The following SCHIP1 variants were observed in gnomAD, a reference collection of about 807,000 sequenced individuals.
SCHIP1 encodes schwannomin-interacting protein 1.
Under a neutral mutation model 29.7 loss-of-function variants are expected in SCHIP1, and 8 were observed. The ratio of observed to expected loss-of-function variants is 0.27; its 90% confidence interval spans 0.16 to 0.49. The LOEUF is 0.49. SCHIP1 is among the 20% of genes least tolerant of loss of function. The pLI is 0.99. For missense variants in SCHIP1, 193 were observed against 294.6 expected (o/e 0.66, Z 2.52); for synonymous variants, 76 against 94.9 (o/e 0.80, Z 1.16).
the SCHIP1 span, among the ~76,000 whole-genome samples, chr3:159,368,699 C>A: frequency 7.9e-5 from 12 of 150,964 alleles, no homozygotes; most frequent in Non-Finnish European, 1.6e-4. Flanking sequence ...ACATGTCTAA[C>A]AATCCCTACG....
At chr3:159,414,169 T>C in the SCHIP1 span, among the ~76,000 whole-genome samples, 4 of 152,350 alleles carry the variant, frequency 2.6e-5, no homozygotes, top group East Asian at 7.7e-4. Context: ...ATAAGAGTAC[T>C]GCTCCTTTCC....
chr3:159,842,366 C>A (rs1744296869), intron 1 of SCHIP1, among the ~76,000 whole-genome samples: 1 of 152,098 alleles, frequency 6.6e-6, no homozygotes, highest in Admixed American at 6.5e-5. Context: ...AGATGTACAT[C>A]ATTGTTGTCG....
At chr3:159,423,612 T>G in the SCHIP1 span, among the ~76,000 whole-genome samples, 7 of 150,402 alleles carry the variant, frequency 4.7e-5, no homozygotes, top group Admixed American at 6.7e-5. Flanking sequence ...CCTCTGTAGG[T>G]TCCACCTCTG....
At chr3:159,892,364 A>T in intron 6 of SCHIP1, 174 bp downstream of exon 7, 1 of 686,712 alleles carries the variant, frequency 1.5e-6, no homozygotes, top group Non-Finnish European at 2.4e-6. Flanking sequence ...CATTGTCCTT[A>T]CCAAATGCAT....
At chr3:159,841,880 A>C (rs1195274648) in intron 1 of SCHIP1, among the ~76,000 whole-genome samples, 1 of 152,214 alleles carries the variant, frequency 6.6e-6, no homozygotes, top group East Asian at 1.9e-4. Context: ...TTGCATCTGC[A>C]TGGGATTTTA....
At chr3:159,576,618 T>A in the SCHIP1 span, among the ~76,000 whole-genome samples, 1 of 152,214 alleles carries the variant, frequency 6.6e-6, no homozygotes, top group Non-Finnish European at 1.5e-5. Flanking sequence ...CATTAGCGAC[T>A]TTGTTACCAC....
the SCHIP1 span, among the ~76,000 whole-genome samples, chr3:159,520,189 T>C: frequency 6.9e-6 from 1 of 144,380 alleles, no homozygotes; most frequent in African/African-American, 2.6e-5. Flanking sequence ...AAGACGGAGG[T>C]AGGCACAGAA....
chr3:159,483,001 T>C, the SCHIP1 span, among the ~76,000 whole-genome samples: 1 of 152,256 alleles, frequency 6.6e-6, no homozygotes, highest in East Asian at 1.9e-4. Context: ...TTTGTAACTT[T>C]CCATAAAATT....
the SCHIP1 span, among the ~76,000 whole-genome samples, chr3:159,648,685 G>T: frequency 6.6e-6 from 1 of 152,128 alleles, no homozygotes; most frequent in African/African-American, 2.4e-5. Flanking sequence ...GACCCCAGTG[G>T]ACAACTTTAC....
the SCHIP1 span, among the ~76,000 whole-genome samples, chr3:159,317,725 T>G: frequency 6.6e-6 from 1 of 152,236 alleles, no homozygotes; most frequent in Non-Finnish European, 1.5e-5. Flanking sequence ...CTTCTTTAGC[T>G]GTAGAGTGAG....
At chr3:159,567,566 G>T in the SCHIP1 span, among the ~76,000 whole-genome samples, 1 of 151,902 alleles carries the variant, frequency 6.6e-6, no homozygotes, top group South Asian at 2.1e-4. Flanking sequence ...AAAACACAGC[G>T]CTATAATTTG....
chr3:159,864,832 C>G (rs1714450824), intron 1 of SCHIP1, among the ~76,000 whole-genome samples: 1 of 152,172 alleles, frequency 6.6e-6, no homozygotes, highest in Admixed American at 6.5e-5. Flanking sequence ...ACAGTATCCA[C>G]TAGCCACCTG....
At chr3:159,618,182 C>T in the SCHIP1 span, among the ~76,000 whole-genome samples, 1 of 152,146 alleles carries the variant, frequency 6.6e-6, no homozygotes, top group African/African-American at 2.4e-5. Flanking sequence ...AGTGACTTGA[C>T]CAACAGAGGT....
the SCHIP1 span, chr3:159,275,213 A>C: frequency 2.5e-6 from 1 of 404,622 alleles, no homozygotes; most frequent in Non-Finnish European, 3.3e-6. Flanking sequence ...AAAGAATGAA[A>C]GGTAGATTTA....
the SCHIP1 span, among the ~76,000 whole-genome samples, chr3:159,788,829 A>G: frequency 6.6e-6 from 1 of 152,214 alleles, no homozygotes; most frequent in African/African-American, 2.4e-5. Context: ...CCAATAGGGT[A>G]TAATATATAT....
the SCHIP1 span, among the ~76,000 whole-genome samples, chr3:159,313,959 G>C: frequency 6.6e-6 from 1 of 152,190 alleles, no homozygotes; most frequent in African/African-American, 2.4e-5. Context: ...CAGAGGTAAA[G>C]TGCGTGCTTT....
At chr3:159,445,179 A>G in the SCHIP1 span, among the ~76,000 whole-genome samples, 3 of 152,206 alleles carry the variant, frequency 2.0e-5, no homozygotes, top group African/African-American at 4.8e-5. Context: ...CAAATTTACA[A>G]GAAAAAAACA....
At chr3:159,279,466 A>G in the SCHIP1 span, among the ~76,000 whole-genome samples, 1 of 152,184 alleles carries the variant, frequency 6.6e-6, no homozygotes, top group Non-Finnish European at 1.5e-5. Flanking sequence ...ACCTAACTGC[A>G]AGGGAGGCTG....
chr3:159,520,068 C>G, the SCHIP1 span, among the ~76,000 whole-genome samples: 2 of 146,356 alleles, frequency 1.4e-5, no homozygotes, highest in Non-Finnish European at 3.0e-5. Context: ...CATATAAATA[C>G]CAGGAAGACA....
Sources: allele counts gnomAD v4.1 joint callset (sites outside exome capture counted in the v4.1 genomes callset), GRCh38; gene constraint gnomAD v4.1.1; transcripts MANE v1.5; gene names NCBI Gene and HGNC (gene_info 2026-07-23, HGNC 2026-07-21).